Variants in CCDC60 observed in about 807,000 individuals in gnomAD.
CCDC60 encodes the protein coiled-coil domain containing 60, also known as coiled-coil domain-containing protein 60.
In CCDC60, 54 loss-of-function variants were observed where a neutral mutation model predicts 63.5. That is an observed-to-expected ratio of 0.85 (90% confidence interval 0.68 to 1.07). The LOEUF (loss-of-function observed/expected upper bound fraction) is 1.07, where lower values mean the gene tolerates loss of function less well. Among genes scored for constraint, CCDC60 ranks in the 50% least tolerant of loss-of-function variants. CCDC60 has a pLI of 0.00. For synonymous variants in CCDC60, 206 were observed against 238.8 expected (o/e 0.86, Z 1.27); for missense variants, 651 against 684.3 (o/e 0.95, Z 0.54).
At chr12:119,337,756 T>C (rs975769020) in intron 1 of CCDC60, among the ~76,000 whole-genome samples, 2 of 151,844 alleles carry the variant, frequency 1.3e-5, no homozygotes, top group Non-Finnish European at 2.9e-5. Context: ...TGAGGAAGTA[T>C]CAGAGGGTGT....
chr12:119,400,037 G>A (rs1956360571), intron 1 of CCDC60, among the ~76,000 whole-genome samples: 1 of 151,060 alleles, frequency 6.6e-6, no homozygotes, highest in African/African-American at 2.4e-5. Flanking sequence ...TTAGCCTACA[G>A]GTTGGTTTCC....
At chr12:119,408,471 C>T (rs1956533335) in intron 1 of CCDC60, among the ~76,000 whole-genome samples, 1 of 152,146 alleles carries the variant, frequency 6.6e-6, no homozygotes. Context: ...TGCTTTCTGG[C>T]TGTAGGCTAG....
chr12:119,485,836 C>T (rs1951426841), intron 4 of CCDC60, among the ~76,000 whole-genome samples: 1 of 152,182 alleles, frequency 6.6e-6, no homozygotes, highest in Non-Finnish European at 1.5e-5. Flanking sequence ...AGATTTTAAG[C>T]AAGAGAGGGA....
intron 1 of CCDC60, among the ~76,000 whole-genome samples, chr12:119,418,432 T>G (rs12814383): frequency 0.63 from 60,241 of 96,234 alleles, 20,407 homozygotes; most frequent in African/African-American, 0.74. Context: ...TTTTTTTTTT[T>G]GAGATGGGGT....
intron 1 of CCDC60, among the ~76,000 whole-genome samples, chr12:119,421,865 C>T (rs566024315): frequency 1.7e-4 from 26 of 152,274 alleles, no homozygotes; most frequent in African/African-American, 5.8e-4. Context: ...CACCACTTCC[C>T]GATGCTACTA....
intron 1 of CCDC60, among the ~76,000 whole-genome samples, chr12:119,426,426 G>C (rs1956902896): frequency 6.6e-6 from 1 of 151,982 alleles, no homozygotes; most frequent in African/African-American, 2.4e-5. Context: ...CGCGATCTCA[G>C]GTGACAGCAG....
Position 119,523,015 on chromosome 12 carries a change from G to T in CCDC60, c.1103+14G>T, listed in dbSNP as rs1046846921. On this transcript the variant is annotated intron_variant, in intron 10 of 13. Transcript: ENST00000327554. ...GAAGTCTAAAAAGTAAGCCAGGAGG[G>T]CAATGGAAGGAACCACGCAAGAGGG... 1.2e-6 allele frequency: 2 copies of T among 1,612,694 alleles called. No individual in the cohort carries two copies. Among genetic ancestry groups the T allele is most frequent in the East Asian group, 2.2e-5 (1 of 44,872 alleles).
At chr12:119,519,451 G>GTGTA (rs1566058635) in intron 8 of CCDC60, among the ~76,000 whole-genome samples, 7 of 125,996 alleles carry the variant, frequency 5.6e-5, no homozygotes, top group Middle Eastern at 3.9e-3. Flanking sequence ...GTGTGTGTGT[G>GTGTA]TATATATATA....
chr12:119,344,863 A>T (rs868010561), intron 1 of CCDC60, among the ~76,000 whole-genome samples: 15,511 of 128,038 alleles, frequency 0.12, 748 homozygotes, highest in South Asian at 0.3. Flanking sequence ...TCTCACACAC[A>T]CACACACACA....
At chr12:119,366,957 C>T (rs528053508) in intron 1 of CCDC60, among the ~76,000 whole-genome samples, 40 of 152,232 alleles carry the variant, frequency 2.6e-4, no homozygotes, top group Admixed American at 1.6e-3. Flanking sequence ...CTCACCCTCC[C>T]GAGTAGCTGG....
At chr12:119,388,229 G>A (rs534523708) in intron 1 of CCDC60, 1 of 152,262 alleles carries the variant, frequency 6.6e-6, no homozygotes, top group East Asian at 1.9e-4. Context: ...GGATCCCCTT[G>A]GCCAGGATTG....
intron 1 of CCDC60, among the ~76,000 whole-genome samples, chr12:119,338,209 C>T (rs950981159): frequency 1.2e-4 from 18 of 152,036 alleles, no homozygotes; most frequent in Admixed American, 1.0e-3. Context: ...TATAGTAAAG[C>T]ATTAATTAAC....
intron 8 of CCDC60, among the ~76,000 whole-genome samples, chr12:119,517,245 C>T (rs781564326): frequency 2.1e-4 from 32 of 152,152 alleles, no homozygotes; most frequent in Non-Finnish European, 3.7e-4. Context: ...CCTCCCACCT[C>T]GGCCTCCCAA....
intron 13 of CCDC60, among the ~76,000 whole-genome samples, chr12:119,539,630 G>A (rs1376808516): frequency 6.6e-6 from 1 of 152,240 alleles, no homozygotes; most frequent in Non-Finnish European, 1.5e-5. Context: ...CCGTGGAAGT[G>A]GGATCCAGTG....
chr12:119,463,005 G>A (rs773538643), intron 2 of CCDC60, among the ~76,000 whole-genome samples: 15 of 151,944 alleles, frequency 9.9e-5, no homozygotes, highest in Non-Finnish European at 1.9e-4. Context: ...TGTATTTTTC[G>A]TAGAGACAGG....
intron 7 of CCDC60, among the ~76,000 whole-genome samples, chr12:119,508,742 A>AAAGTTTTC: frequency 1.3e-5 from 2 of 152,156 alleles, no homozygotes; most frequent in Non-Finnish European, 2.9e-5. Flanking sequence ...GTGCAAGAGG[A>AAAGTTTTC]AGTATCTGGA....
intron 1 of CCDC60, among the ~76,000 whole-genome samples, chr12:119,379,964 CT>C (rs767310777): frequency 3.9e-5 from 6 of 152,198 alleles, no homozygotes; most frequent in Non-Finnish European, 8.8e-5. Flanking sequence ...TCAAGCCCAA[CT>C]CAGTGGTTAC....
intron 1 of CCDC60, among the ~76,000 whole-genome samples, chr12:119,355,353 CT>C (rs1176724144): frequency 6.7e-6 from 1 of 148,748 alleles, no homozygotes; most frequent in Non-Finnish European, 1.5e-5. Flanking sequence ...TAACTCTCTC[CT>C]TGTTTTCTTC....
intron 1 of CCDC60, among the ~76,000 whole-genome samples, chr12:119,352,316 C>A (rs963060990): frequency 7.9e-5 from 12 of 152,194 alleles, no homozygotes; most frequent in African/African-American, 2.7e-4. Flanking sequence ...TGGGTCCAAA[C>A]CATATCACTA....
Sources: gnomAD v4.1 joint callset for allele counts (sites outside exome capture counted in the v4.1 genomes callset) on GRCh38, gnomAD v4.1.1 for gene constraint, MANE v1.5 for transcripts, NCBI Gene and HGNC (gene_info 2026-07-23, HGNC 2026-07-21) for gene names.